The following EMILIN2 variants were observed in gnomAD, a reference collection of about 807,000 sequenced individuals.
EMILIN2 encodes the protein elastin microfibril interfacer 2, also known as EMILIN-2.
Under a neutral mutation model 87.1 loss-of-function variants are expected in EMILIN2, and 71 were observed. That is an observed-to-expected ratio of 0.82 (90% CI 0.67 to 0.99). The LOEUF (loss-of-function observed/expected upper bound fraction) is 0.99, where lower values mean the gene tolerates loss of function less well. EMILIN2 is among the 50% of genes least tolerant of loss of function. The pLI is 0.00. For synonymous variants in EMILIN2, 581 were observed against 563.4 expected (o/e 1.03, Z -0.44); for missense variants, 1,407 against 1,371.8 (o/e 1.03, Z -0.40).
rs565412346 is a variant in EMILIN2 at position 2,880,649 on chromosome 18, C to T, written c.258-4315C>T. Among the ~76,000 whole-genome samples the T allele has an allele frequency of 2.0e-5, 3 of 152,320 alleles. No individual in the cohort carries two copies. Among genetic ancestry groups the T allele is most frequent in the African/African-American group, 4.8e-5 (2 of 41,584 alleles). The stretch of plus-strand genomic sequence containing the variant: ...GCCGCCTTAACTTTTCCTCTGGCTG[C>T]GGGTCCCTCGGCTTGGCCACCCCCA... On this transcript the variant is annotated intron_variant, in intron 2 of 7. Coordinates refer to ENST00000254528, the MANE Select transcript of EMILIN2 (RefSeq NM_032048.3). This position sits in a 1 kb window ranked among gnomAD's most constrained non-coding sequence, Gnocchi z 4.1.
chr18:2,869,540 G>A (rs1307574343), intron 2 of EMILIN2, among the ~76,000 whole-genome samples: 4 of 152,114 alleles, frequency 2.6e-5, no homozygotes, highest in Non-Finnish European at 5.9e-5. Context: ...TCTTTTGACT[G>A]GCTTCTTTCA....
intron 4 of EMILIN2, among the ~76,000 whole-genome samples, chr18:2,900,826 C>T (rs1479486833): frequency 6.6e-6 from 1 of 152,136 alleles, no homozygotes; most frequent in Non-Finnish European, 1.5e-5. Flanking sequence ...ATCTTCCATC[C>T]ATCCGCCTAG....
chr18:2,865,793 G>A (rs1354733952), intron 2 of EMILIN2, among the ~76,000 whole-genome samples: 1 of 152,228 alleles, frequency 6.6e-6, no homozygotes, highest in Non-Finnish European at 1.5e-5. Flanking sequence ...GTTTGGCTAT[G>A]CCCTGCCCCC....
At chr18:2,852,691 G>A (rs1199420446) in intron 2 of EMILIN2, among the ~76,000 whole-genome samples, 4 of 152,084 alleles carry the variant, frequency 2.6e-5, no homozygotes, top group African/African-American at 9.7e-5. Flanking sequence ...GCTAATTTTT[G>A]TATTTTTAGT....
Position 2,913,390 on chromosome 18 carries a change from C to T in EMILIN2, c.3148C>T (p.Leu1050Phe). ...TFSGVFLYPF[L>F]SHL ...TAGTGGGGTTTTCTTATATCCTTTC[C>T]TTTCCCACCTCTAAGGTGGCTGGGG... The change falls in exon 8 of 8, where the codon CTT (leucine) becomes TTT (phenylalanine). Residue 1050 changes from leucine to phenylalanine, a missense_variant. Transcript: ENST00000254528. 8 of 1,599,606 alleles carry T rather than the reference C, an allele frequency of 5.0e-6. No homozygotes were observed. Among genetic ancestry groups the T allele is most frequent in the Non-Finnish European group, 6.8e-6 (8 of 1,173,284 alleles).
chr18:2,889,531 CTA>C (rs2076822420), intron 3 of EMILIN2, among the ~76,000 whole-genome samples: 1 of 152,050 alleles, frequency 6.6e-6, no homozygotes, highest in African/African-American at 2.4e-5. Context: ...TTATTTACCT[CTA>C]TGTCTATCAA....
chr18:2,893,867 A>G (rs2076851415), intron 4 of EMILIN2, among the ~76,000 whole-genome samples: 1 of 152,162 alleles, frequency 6.6e-6, no homozygotes, highest in African/African-American at 2.4e-5. Flanking sequence ...GGCTGCGTCC[A>G]AGAATTGTTT....
intron 2 of EMILIN2, among the ~76,000 whole-genome samples, chr18:2,863,568 C>T (rs2076671932): frequency 6.6e-6 from 1 of 152,284 alleles, no homozygotes; most frequent in African/African-American, 2.4e-5. Context: ...AGTTTGATTG[C>T]ACTGTGGTCT....
intron 2 of EMILIN2, among the ~76,000 whole-genome samples, chr18:2,872,212 G>C (rs1271412448): frequency 6.6e-6 from 1 of 152,184 alleles, no homozygotes; most frequent in African/African-American, 2.4e-5. Flanking sequence ...TGCTGCTGTT[G>C]CTCAATGAAT....
chr18:2,876,128 C>T (rs1024432473), intron 2 of EMILIN2, among the ~76,000 whole-genome samples: 6 of 151,884 alleles, frequency 4.0e-5, no homozygotes, highest in South Asian at 2.1e-4. Flanking sequence ...ACAACAGGCG[C>T]GTGCCACCAC....
chr18:2,891,593 T>G lies in EMILIN2; in HGVS notation c.1466T>G (p.Leu489Arg). 6.2e-7 allele frequency: 1 copy of G among 1,614,024 alleles called. No homozygotes were observed. The highest frequency in any genetic ancestry group is 8.5e-7 in the Non-Finnish European group (1 of 1,180,032). ...GGAGAGGTGGGTGACTTGAAGCAGC[T>G]TGTTGATCAGAAAATACAGTCTCTG... ...INGEVGDLKQ[L>R]VDQKIQSLED... The change falls in exon 4 of 8, where the codon CTT (leucine) becomes CGT (arginine). Residue 489 changes from leucine (L) to arginine (R), a missense_variant. By Grantham distance (102) the Leu-to-Arg change is moderately radical. Coordinates refer to ENST00000254528, the MANE Select transcript of EMILIN2 (RefSeq NM_032048.3). The surrounding 1 kb of genome is among the most constrained non-coding windows in gnomAD (Gnocchi z 4.6).
chr18:2,858,902 C>G (rs1371840611), intron 2 of EMILIN2, among the ~76,000 whole-genome samples: 1 of 152,068 alleles, frequency 6.6e-6, no homozygotes, highest in African/African-American at 2.4e-5. Flanking sequence ...TCCCAAAGTG[C>G]TGGGATTACA....
upstream of EMILIN2, chr18:2,846,659 G>T (rs2076574951): frequency 1.5e-6 from 1 of 661,748 alleles, no homozygotes; most frequent in African/African-American, 2.0e-5. This position sits in a 1 kb window ranked among gnomAD's most constrained non-coding sequence, Gnocchi z 5.3. Context: ...CGCCCCGGGA[G>T]GCTGGCACCC....
At chr18:2,889,692 C>CTTTTTTTTTTTTTTTTTTTT (rs34248672) in intron 3 of EMILIN2, among the ~76,000 whole-genome samples, 19 of 96,616 alleles carry the variant, frequency 2.0e-4, no homozygotes, top group Non-Finnish European at 2.8e-4. Context: ...TTTTTCTTTT[C>CTTTTTTTTTTTTTTTTTTTT]TTTTTTTTTT....
At position 2,915,105 on chromosome 18, in the gene EMILIN2, G is replaced by C. The variant is rs1226926520; in HGVS notation, c.*1701G>C. The C allele has an allele frequency of 6.6e-6, 1 of 152,332 alleles. No individual in the cohort carries two copies. Among genetic ancestry groups the C allele is most frequent in the Non-Finnish European group, 1.5e-5 (1 of 68,116 alleles). The allele number at this position is 152,332 out of a possible 1,614,324, so 9.4% of individuals were successfully genotyped here. A position where few individuals can be genotyped will look rare whatever the true frequency, so the allele number is the denominator to read the frequency against. ...GGGGACGTGCTCAAGAGCTGCAGGG[G>C]CAGGGCCCAGGCAAAAGGTGGGTGA... is the stretch of plus-strand genomic sequence containing the variant. On this transcript the variant is annotated 3_prime_UTR_variant, in exon 8 of 8. Transcript: ENST00000254528.
chr18:2,883,260 C>G (rs1297263289), intron 2 of EMILIN2, among the ~76,000 whole-genome samples: 1 of 80,396 alleles, frequency 1.2e-5, no homozygotes, highest in Non-Finnish European at 2.8e-5. Context: ...TTTGTGCTTT[C>G]CTCAGGGAGG....
At chr18:2,883,860 A>G (rs765987374) in intron 2 of EMILIN2, among the ~76,000 whole-genome samples, 33 of 152,248 alleles carry the variant, frequency 2.2e-4, no homozygotes, top group Non-Finnish European at 4.4e-4. Flanking sequence ...GCCATCTGCA[A>G]AAGCTGGTGG....
Position 2,906,854 on chromosome 18 carries a change from C to T in EMILIN2, c.2431C>T (p.Pro811Ser). Residue 811 changes from proline to serine, a missense_variant, in exon 5 of 8, where the codon CCC (proline) becomes TCC (serine). By Grantham distance (74) the Pro-to-Ser change is moderately conservative. Coordinates refer to ENST00000254528, the MANE Select transcript of EMILIN2 (RefSeq NM_032048.3). ...GCAGCCCGAGCCCGCCCCGCCGAGGCCCAGCGGCCCCGCAACCGCAGAGGA... is the reference window on the plus strand; with the variant it reads ...GCAGCCCGAGCCCGCCCCGCCGAGGTCCAGCGGCCCCGCAACCGCAGAGGA... The part of the protein sequence containing the change: ...PLQPEPAPPR[P>S]SGPATAEDPG... The T allele has an allele frequency of 7.4e-7, 1 of 1,356,988 alleles. No individual in the cohort carries two copies. The highest frequency in any genetic ancestry group is 9.5e-7 in the Non-Finnish European group (1 of 1,055,012). The allele number at this position is 1,356,988 out of a possible 1,614,324, so 84.1% of individuals were successfully genotyped here.
rs529552151 is a variant in EMILIN2, at chr18:2,894,261, T to G, written c.2359+1775T>G. 6.5e-4 allele frequency among the ~76,000 whole-genome samples: 99 copies of G among 151,920 alleles called. 1 individual carries two copies. The South Asian group carries it at 8.5e-3, about 13-fold the overall frequency. ...TCAGGAGGGTGGAGAGGGTCCGAGG[T>G]AGGTGGGAAAATGCCCTGGATGTCC... On this transcript the variant is annotated intron_variant, in intron 4 of 7. Coordinates refer to ENST00000254528, the MANE Select transcript of EMILIN2 (RefSeq NM_032048.3). This position sits in a 1 kb window ranked among gnomAD's most constrained non-coding sequence, Gnocchi z 5.0.
Sources: gnomAD v4.1 joint callset for allele counts (sites outside exome capture counted in the v4.1 genomes callset) on GRCh38, gnomAD v4.1.1 for gene constraint, Gnocchi (gnomAD v3.1) non-coding constraint, MANE v1.5 for transcripts, NCBI Gene and HGNC (gene_info 2026-07-23, HGNC 2026-07-21) for gene names.